Variants in RANBP2 observed in about 807,000 individuals in gnomAD.
RANBP2 encodes E3 SUMO-protein ligase RanBP2.
RANBP2 carries 57 observed loss-of-function variants against 303.6 expected under a neutral mutation model. That is an observed-to-expected ratio of 0.19 (90% CI 0.15 to 0.23). The LOEUF (loss-of-function observed/expected upper bound fraction) is 0.23. RANBP2 is among the 10% of genes least tolerant of loss of function. The pLI is 1.00. For missense variants in RANBP2, 3,138 were observed against 3,780.8 expected, an observed-to-expected ratio of 0.83 and a Z score of 4.46; for synonymous variants, 1,167 against 1,301.5, an observed-to-expected ratio of 0.90 and a Z score of 2.23.
At chr2:108,920,706 G>T in the RANBP2 span, among the ~76,000 whole-genome samples, 2 of 152,184 alleles carry the variant, frequency 1.3e-5, no homozygotes, top group African/African-American at 4.8e-5. Flanking sequence ...AAACTGGAAT[G>T]ATTTTATTCC....
At chr2:109,560,405 T>C in the RANBP2 span, among the ~76,000 whole-genome samples, 1 of 152,196 alleles carries the variant, frequency 6.6e-6, no homozygotes, top group South Asian at 2.1e-4. Context: ...TTCCTCCTCC[T>C]CCCTTCTCAA....
the RANBP2 span, among the ~76,000 whole-genome samples, chr2:108,939,133 G>C: frequency 6.6e-6 from 1 of 152,032 alleles, no homozygotes; most frequent in South Asian, 2.1e-4. Context: ...AACATGATAG[G>C]AGCCACTCTT....
the RANBP2 span, among the ~76,000 whole-genome samples, chr2:108,800,216 A>G: frequency 6.6e-6 from 1 of 152,116 alleles, no homozygotes; most frequent in African/African-American, 2.4e-5. Context: ...TCTGGAGAAT[A>G]TTATTGATTT....
At chr2:108,975,428 A>G in the RANBP2 span, among the ~76,000 whole-genome samples, 1 of 152,148 alleles carries the variant, frequency 6.6e-6, no homozygotes, top group Non-Finnish European at 1.5e-5. Flanking sequence ...CCGGCGAGAC[A>G]TGGATAGCGC....
chr2:108,922,788 C>T, the RANBP2 span, among the ~76,000 whole-genome samples: 1 of 152,180 alleles, frequency 6.6e-6, no homozygotes, highest in Non-Finnish European at 1.5e-5. Context: ...AGAGTCTACA[C>T]AGCACATTCC....
At chr2:109,202,823 G>A in the RANBP2 span, among the ~76,000 whole-genome samples, 5 of 152,194 alleles carry the variant, frequency 3.3e-5, no homozygotes, top group Non-Finnish European at 7.3e-5. Context: ...CCCCATTCCC[G>A]GGAAAGGGCC....
At chr2:109,608,934 T>C in the RANBP2 span, among the ~76,000 whole-genome samples, 2 of 152,202 alleles carry the variant, frequency 1.3e-5, no homozygotes, top group African/African-American at 2.4e-5. Context: ...ATCACATTAA[T>C]ATGGTTGAAA....
the RANBP2 span, among the ~76,000 whole-genome samples, chr2:109,391,127 A>G: frequency 6.6e-5 from 10 of 152,182 alleles, no homozygotes; most frequent in African/African-American, 9.7e-5. Context: ...CCCTCCTCAG[A>G]TTTTTAAATG....
chr2:108,808,578 C>G, the RANBP2 span, among the ~76,000 whole-genome samples: 1 of 152,134 alleles, frequency 6.6e-6, no homozygotes, highest in African/African-American at 2.4e-5. Flanking sequence ...GATACCTGAT[C>G]ATGGTTTCGA....
At chr2:108,805,165 G>T in the RANBP2 span, among the ~76,000 whole-genome samples, 1 of 151,998 alleles carries the variant, frequency 6.6e-6, no homozygotes, top group African/African-American at 2.4e-5. Flanking sequence ...TGTAAATAAA[G>T]TATTCTTTAG....
chr2:109,460,134 A>T, the RANBP2 span, among the ~76,000 whole-genome samples: 1 of 152,188 alleles, frequency 6.6e-6, no homozygotes, highest in Non-Finnish European at 1.5e-5. Context: ...TTTGCTATGG[A>T]GTGAGCTCCT....
the RANBP2 span, among the ~76,000 whole-genome samples, chr2:109,553,612 G>A: frequency 1.3e-5 from 2 of 151,210 alleles, no homozygotes; most frequent in African/African-American, 4.9e-5. Flanking sequence ...CAGCACTTTG[G>A]GAGGCTGAGG....
the RANBP2 span, among the ~76,000 whole-genome samples, chr2:109,411,004 A>C: frequency 3.4e-3 from 525 of 152,300 alleles, 1 homozygote; most frequent in African/African-American, 0.012. Flanking sequence ...CTAATCCCTT[A>C]AGGCCTAGAA....
At chr2:109,490,984 C>CT in the RANBP2 span, 1 of 1,400,360 alleles carries the variant, frequency 7.1e-7, no homozygotes, top group African/African-American at 1.5e-5. Flanking sequence ...GGTTTGGCCT[C>CT]TGAGGTCTGG....
intron 18 of RANBP2, among the ~76,000 whole-genome samples, chr2:108,759,625 A>G (rs946454274): frequency 1.3e-5 from 2 of 152,216 alleles, no homozygotes; most frequent in Admixed American, 6.5e-5. Context: ...CACAAGCAAA[A>G]TAACAGAAAA....
the RANBP2 span, among the ~76,000 whole-genome samples, chr2:109,141,772 A>AG: frequency 6.6e-6 from 1 of 151,994 alleles, no homozygotes; most frequent in Non-Finnish European, 1.5e-5. Flanking sequence ...TATCAACAGG[A>AG]GGGGGTACTG....
the RANBP2 span, among the ~76,000 whole-genome samples, chr2:109,392,781 C>T: frequency 6.6e-6 from 1 of 152,126 alleles, no homozygotes; most frequent in Non-Finnish European, 1.5e-5. Context: ...TCCCAAAGTG[C>T]TGAGATTACA....
At chr2:108,897,597 G>A in the RANBP2 span, among the ~76,000 whole-genome samples, 4 of 152,146 alleles carry the variant, frequency 2.6e-5, no homozygotes, top group Non-Finnish European at 4.4e-5. Context: ...GGCTGAGGAG[G>A]GGTTCAAAGG....
chr2:109,484,825 A>T, the RANBP2 span, among the ~76,000 whole-genome samples: 2 of 152,072 alleles, frequency 1.3e-5, no homozygotes, highest in African/African-American at 2.4e-5. Context: ...CTTTCCTGGG[A>T]CTGTCTGCAG....
Sources: allele counts gnomAD v4.1 joint callset (sites outside exome capture counted in the v4.1 genomes callset), GRCh38; gene constraint gnomAD v4.1.1; transcripts MANE v1.5; gene names NCBI Gene and HGNC (gene_info 2026-07-23, HGNC 2026-07-21).